DOK7: variants seen among roughly 807,000 people sequenced by gnomAD.
The protein encoded by DOK7 is protein Dok-7.
Under a neutral mutation model 30.7 loss-of-function variants are expected in DOK7, and 32 were observed. The observed-to-expected ratio is 1.04, with a 90% CI of 0.79 to 1.40. DOK7 has a LOEUF of 1.40. DOK7 is among the 40% of genes most tolerant of loss of function. The pLI is 0.00. For synonymous variants in DOK7, 447 were observed against 324.1 expected, an observed-to-expected ratio of 1.38 and a Z score of -4.07; for missense variants, 1,007 against 699.2, an observed-to-expected ratio of 1.44 and a Z score of -4.97.
downstream of DOK7, among the ~76,000 whole-genome samples, chr4:3,494,811 G>A (rs996095444): frequency 2.0e-5 from 3 of 152,178 alleles, no homozygotes; most frequent in African/African-American, 7.2e-5. Context: ...GACCTCAGGA[G>A]GGGGCTGGCT....
At chr4:3,490,966 A>C (rs1172707236) in intron 6 of DOK7, among the ~76,000 whole-genome samples, 15 of 89,414 alleles carry the variant, frequency 1.7e-4, no homozygotes, top group East Asian at 3.3e-4. Flanking sequence ...CCCCCTGCTC[A>C]TTTCTTCATT....
At chr4:3,497,043 C>T (rs1408064871), downstream of DOK7, among the ~76,000 whole-genome samples, 1 of 148,852 alleles carries the variant, frequency 6.7e-6, no homozygotes, top group Non-Finnish European at 1.5e-5. Flanking sequence ...TGTTGGGTGG[C>T]AGTGGGTGTT....
chr4:3,494,314 T>G lies in DOK7; in HGVS notation c.*813T>G. 1.0e-6 allele frequency: 1 copy of G among 985,764 alleles called. No individual in the cohort carries two copies. Among genetic ancestry groups the G allele is most frequent in the Non-Finnish European group, 1.2e-6 (1 of 830,192 alleles). The allele number at this position is 985,764 out of a possible 1,614,324, so 61.1% of individuals were successfully genotyped here. A position where few individuals can be genotyped will look rare whatever the true frequency, so the allele number is the denominator to read the frequency against. ...CCCCTGCGTCGGAGGTGGGGCTGTG[T>G]TGGGCCCATTGTCCCCCGCCCTGGG... On this transcript the variant is annotated 3_prime_UTR_variant, in exon 7 of 7. Coordinates refer to ENST00000340083, the MANE Select transcript of DOK7 (RefSeq NM_173660.5).
At chr4:3,484,190 C>T (rs776608608) in intron 4 of DOK7, among the ~76,000 whole-genome samples, 1 of 152,186 alleles carries the variant, frequency 6.6e-6, no homozygotes, top group Admixed American at 6.5e-5. Flanking sequence ...TCCCATGACC[C>T]GGTTTGGGGA....
Position 3,476,328 on chromosome 4 carries a change from C to A in DOK7, c.332-14C>A. 6.2e-7 allele frequency: 1 copy of A among 1,606,246 alleles called. No homozygotes were observed. Among genetic ancestry groups the A allele is most frequent in the Non-Finnish European group, 8.5e-7 (1 of 1,177,718 alleles). On this transcript the variant is annotated splice_polypyrimidine_tract_variant and intron_variant, in intron 3 of 6. Transcript: ENST00000340083. Reference sequence around the variant, plus strand: ...TGCCCGCCCGTGATGCCCTCTTGCCCCGCCTGCCCGCAGTGCATAGGTTCC... The same window carrying A: ...TGCCCGCCCGTGATGCCCTCTTGCCACGCCTGCCCGCAGTGCATAGGTTCC...
intron 6 of DOK7, among the ~76,000 whole-genome samples, chr4:3,491,176 CATT>C (rs1421125302): frequency 3.1e-5 from 1 of 31,800 alleles, no homozygotes; most frequent in African/African-American, 1.1e-4. Flanking sequence ...CCTGCTCATT[CATT>C]CCTTCCCCCC....
chr4:3,468,540 ATG>A (rs763888078), intron 2 of DOK7, among the ~76,000 whole-genome samples: 27 of 93,186 alleles, frequency 2.9e-4, no homozygotes, highest in South Asian at 5.6e-4. Context: ...CTGTGAGTGT[ATG>A]TGTGTGTGCC....
At chr4:3,483,816 G>A (rs376493363) in intron 4 of DOK7, among the ~76,000 whole-genome samples, 13 of 152,216 alleles carry the variant, frequency 8.5e-5, no homozygotes, top group African/African-American at 2.2e-4. Context: ...CTGGCACTGA[G>A]TGAGCCAGCC....
intron 2 of DOK7, among the ~76,000 whole-genome samples, chr4:3,468,540 A>ATGAGTGTGTGACTGAG (rs1560205458): frequency 1.1e-5 from 1 of 93,186 alleles, no homozygotes; most frequent in African/African-American, 5.6e-5. Context: ...CTGTGAGTGT[A>ATGAGTGTGTGACTGAG]TGTGTGTGTG....
intron 4 of DOK7, among the ~76,000 whole-genome samples, chr4:3,483,809 G>GCACTGAGTGAGCCAGCCAGCAGA (rs1727584991): frequency 6.6e-6 from 1 of 152,204 alleles, no homozygotes; most frequent in Non-Finnish European, 1.5e-5. Flanking sequence ...CGACTGCCTG[G>GCACTGAGTGAGCCAGCCAGCAGA]CACTGAGTGA....
At chr4:3,487,326 G>A (rs1437055109) in intron 5 of DOK7, among the ~76,000 whole-genome samples, 2 of 152,240 alleles carry the variant, frequency 1.3e-5, no homozygotes, top group Non-Finnish European at 2.9e-5. Context: ...TGGGCTGATG[G>A]GTTCGTCTGC....
At chr4:3,485,423 C>A in intron 4 of DOK7, 116 bp from the exon 5 acceptor site, 1 of 1,337,838 alleles carries the variant, frequency 7.5e-7, no homozygotes, top group Non-Finnish European at 9.8e-7. Context: ...TGGGGCCAGG[C>A]AGGGTGTCAT....
Position 3,476,694 on chromosome 4 carries a change from G to C in DOK7, c.532+152G>C. On this transcript the variant is annotated intron_variant, in intron 4 of 6. Transcript: ENST00000340083. ...AGGTGGACGGAGTCTCCCCACGCTC[G>C]ATGTCCAAGGTCCTCTGCCCGCAGG... 3.0e-6 allele frequency: 3 copies of C among 1,007,406 alleles called. No individual in the cohort carries two copies. The Admixed American group carries it at 5.9e-5, about 20-fold the overall frequency. 62.4% of individuals were successfully genotyped at this position (1,007,406 alleles called of 1,614,324 possible).
chr4:3,496,728 TG>T (rs941224432), downstream of DOK7: 6 of 1,418,142 alleles, frequency 4.2e-6, no homozygotes, highest in Admixed American at 2.2e-5. Context: ...GTGTCACTCT[TG>T]GGGGGTAGTG....
intron 4 of DOK7, among the ~76,000 whole-genome samples, chr4:3,479,679 A>T (rs1467031041): frequency 6.6e-6 from 1 of 152,166 alleles, no homozygotes; most frequent in East Asian, 1.9e-4. Context: ...TCATCCTGAG[A>T]CACTGGGCGT....
Position 3,493,943 on chromosome 4 carries a change from A to C in DOK7, c.*442A>C. On this transcript the variant is annotated 3_prime_UTR_variant, in exon 7 of 7. Transcript: ENST00000340083. Reference sequence around the variant, plus strand: ...TCTGGGGCAGTCACACCACCTGTTAAGCATCAAGCTACCACAGAGGCTCCG... The same window carrying C: ...TCTGGGGCAGTCACACCACCTGTTACGCATCAAGCTACCACAGAGGCTCCG... The C allele has an allele frequency of 9.9e-7, 1 of 1,012,670 alleles. No homozygotes were observed. The highest frequency in any genetic ancestry group is 1.2e-6 in the Non-Finnish European group (1 of 848,804). The allele number at this position is 1,012,670 out of a possible 1,614,324, so 62.7% of individuals were successfully genotyped here.
Position 3,484,826 on chromosome 4 carries a change from TGCA to T in DOK7, c.533-709_533-707del, listed in dbSNP as rs1727662884. On this transcript the variant is annotated intron_variant, in intron 4 of 6. Coordinates refer to ENST00000340083, the MANE Select transcript of DOK7 (RefSeq NM_173660.5). ...CGCGGTGCTGGCCAGCAGTGACGGC[TGCA>T]GCATGTGTGGGCAGGTGCCGTGCCA... 8.1e-6 allele frequency: 8 copies of T among 985,388 alleles called. No individual in the cohort carries two copies. In the South Asian group the frequency reaches 3.8e-4, roughly 46 times the overall value. The allele number at this position is 985,388 out of a possible 1,614,324, so 61.0% of individuals were successfully genotyped here.
At chr4:3,486,295 C>T (rs1432736518) in intron 5 of DOK7, among the ~76,000 whole-genome samples, 4 of 152,158 alleles carry the variant, frequency 2.6e-5, no homozygotes, top group South Asian at 2.1e-4. Context: ...CTCCCCAGGT[C>T]GGGGCGGGTG....
intron 4 of DOK7, among the ~76,000 whole-genome samples, chr4:3,485,073 C>A (rs1727678840): frequency 6.6e-6 from 1 of 152,142 alleles, no homozygotes; most frequent in Non-Finnish European, 1.5e-5. Flanking sequence ...TCGCTGGGAC[C>A]TTGGGGCAGA....
Sources: gnomAD v4.1 joint callset for allele counts (sites outside exome capture counted in the v4.1 genomes callset) on GRCh38, gnomAD v4.1.1 for gene constraint, MANE v1.5 for transcripts, NCBI Gene and HGNC (gene_info 2026-07-23, HGNC 2026-07-21) for gene names.